SMG1: variants seen among roughly 807,000 people sequenced by gnomAD.
The protein encoded by SMG1 is SMG1 nonsense mediated mRNA decay associated PI3K related kinase.
SMG1 carries 22 observed loss-of-function variants against 419.9 expected under a neutral mutation model. The observed-to-expected ratio is 0.05, with a 90% CI of 0.04 to 0.07. The LOEUF is 0.07. SMG1 is among the 10% of genes least tolerant of loss of function. The pLI is 1.00. For synonymous variants in SMG1, 1,538 were observed against 1,553.5 expected, an observed-to-expected ratio of 0.99 and a Z score of 0.23; for missense variants, 3,185 against 4,342.0, an observed-to-expected ratio of 0.73 and a Z score of 7.49.
intron 22 of SMG1, among the ~76,000 whole-genome samples, chr16:18,867,778 G>A (rs1170930829): frequency 2.9e-5 from 4 of 136,894 alleles, no homozygotes; most frequent in Middle Eastern, 4.1e-3. Context: ...GTGCGATCTC[G>A]GTTCACTGCA....
chr16:18,837,508 G>A, intron 45 of SMG1, 65 bp from the exon 46 acceptor site: 1 of 1,386,218 alleles, frequency 7.2e-7, no homozygotes, highest in Non-Finnish European at 9.9e-7. Flanking sequence ...AACAGTGTCA[G>A]AAGAACATTT....
chr16:18,887,334 A>C (rs577843071), intron 6 of SMG1, among the ~76,000 whole-genome samples: 11 of 151,832 alleles, frequency 7.2e-5, no homozygotes, highest in African/African-American at 2.4e-4. Context: ...AAACCTCTAT[A>C]ATCAAGGGGA....
At position 18,834,459 on chromosome 16, in the gene SMG1, T is replaced by A. The variant is rs138953147; in HGVS notation, c.8331-21A>T. ...TACGCCTACAAGAGATAAATATCTG[T>A]ACAGTGAAACTTAAATGTATAAACA... is the stretch of plus-strand genomic sequence containing the variant. On this transcript the variant is annotated intron_variant, in intron 49 of 62. Coordinates refer to ENST00000446231, the MANE Select transcript of SMG1 (RefSeq NM_015092.5). 1.6e-5 allele frequency: 26 copies of A among 1,599,710 alleles called. No individual in the cohort carries two copies. The East Asian group carries it at 5.6e-4, about 34-fold the overall frequency.
chr16:18,915,176 T>C (rs1303351767), intron 1 of SMG1, among the ~76,000 whole-genome samples: 3 of 152,110 alleles, frequency 2.0e-5, no homozygotes, highest in Non-Finnish European at 4.4e-5. Flanking sequence ...GGTTTCACCA[T>C]GTTGGCCAGG....
At position 18,882,098 on chromosome 16, in the gene SMG1, G is replaced by C. The variant is rs1269564009; in HGVS notation, c.1293+67C>G. 5 of 1,112,934 alleles carry C rather than the reference G, an allele frequency of 4.5e-6. No individual in the cohort carries two copies. In the East Asian group the frequency reaches 1.1e-4, roughly 24 times the overall value. 68.9% of individuals were successfully genotyped at this position (1,112,934 alleles called of 1,614,324 possible). A position where few individuals can be genotyped will look rare whatever the true frequency, so the allele number is the denominator to read the frequency against. On this transcript the variant is annotated intron_variant, in intron 10 of 62. Transcript: ENST00000446231. ...GATTAATAACAGTTCACCAGGTAAAGAGAAGCATTTACAGTGTAAAACAAT... is the reference window on the plus strand; with the variant it reads ...GATTAATAACAGTTCACCAGGTAAACAGAAGCATTTACAGTGTAAAACAAT...
In SMG1 at chr16:18,834,411, C is replaced by A. The variant is rs371413635; in HGVS notation, c.8358G>T (p.Ala2786=). 5.0e-6 allele frequency: 8 copies of A among 1,613,552 alleles called. No homozygotes were observed. In the African/African-American group the frequency reaches 9.3e-5, roughly 19 times the overall value. ...CAACCAGCTGTTCTCCAGCACTTGA[C>A]GCTGCACCTTCCATCATCAGGTTAC... ...TRRNLMMEGA[A]SSAGEQLVDL... is the part of the protein sequence containing the mutation. Residue 2786 remains alanine, a synonymous_variant, in exon 50 of 63, where the codon GCG becomes GCT. Coordinates refer to ENST00000446231, the MANE Select transcript of SMG1 (RefSeq NM_015092.5).
In SMG1 at chr16:18,854,695, C is replaced by G. The variant is rs749957363; in HGVS notation, c.4444G>C (p.Glu1482Gln). The G allele has an allele frequency of 6.2e-7, 1 of 1,613,796 alleles. No homozygotes were observed. The change falls in exon 30 of 63, where the codon GAA becomes CAA. Residue 1482 changes from glutamate (E) to glutamine (Q), a missense_variant. By Grantham distance (29) the Glu-to-Gln change is conservative. Transcript: ENST00000446231. ...QGQVDEKWGPELDIEKTKLLY... is the reference protein window; with the variant it reads ...QGQVDEKWGPQLDIEKTKLLY... The stretch of plus-strand genomic sequence containing the variant: ...AATTTGGTTTTTTCAATATCAAGTT[C>G]GGGCCCCCATTTTTCATCCACTTGA...
intron 54 of SMG1, 45 bp downstream of exon 54, chr16:18,829,237 TCAAG>T: frequency 6.9e-7 from 1 of 1,459,810 alleles, no homozygotes; most frequent in Admixed American, 2.4e-5. Flanking sequence ...CCCCCATTTT[TCAAG>T]TTTCCTACCT....
At chr16:18,811,668 G>T in intron 62 of SMG1, 93 bp downstream of exon 62, 1 of 1,085,110 alleles carries the variant, frequency 9.2e-7, no homozygotes, top group Non-Finnish European at 1.4e-6. Context: ...GTTCCTTGAT[G>T]AACTATTAAG....
chr16:18,912,187 AT>A (rs11455324), intron 1 of SMG1, among the ~76,000 whole-genome samples: 3,142 of 143,264 alleles, frequency 0.022, 100 homozygotes, highest in African/African-American at 0.069. Flanking sequence ...CAGCGGGTGG[AT>A]TTTTTTTTTT....
intron 55 of SMG1, among the ~76,000 whole-genome samples, 178 bp from the exon 56 acceptor site, chr16:18,819,832 T>C (rs536053527): frequency 6.6e-6 from 1 of 152,378 alleles, no homozygotes; most frequent in South Asian, 2.1e-4. Flanking sequence ...TTTGAACATT[T>C]AAGGCCAAAC....
chr16:18,910,809 C>T (rs2037763534), intron 1 of SMG1, among the ~76,000 whole-genome samples: 1 of 152,184 alleles, frequency 6.6e-6, no homozygotes, highest in South Asian at 2.1e-4. Flanking sequence ...TTTCTGGCAT[C>T]CTCCCTCCTC....
chr16:18,852,737 C>T (rs150090638), intron 31 of SMG1, among the ~76,000 whole-genome samples: 1 of 152,196 alleles, frequency 6.6e-6, no homozygotes, highest in African/African-American at 2.4e-5. Context: ...ACATTGTAAA[C>T]AGTCAGGTGT....
chr16:18,864,061 G>C lies in SMG1; in HGVS notation c.3434C>G (p.Ser1145Trp), dbSNP rs561393944. ...VDCCISSFDK[S>W]VLTLANAGRN... ...CCCAGCATTGGCTAAGGTGAGCACC[G>C]ATTTGTCAAAGCTGGAGATGCAGCA... The change falls in exon 24 of 63, where the codon TCG becomes TGG. Residue 1145 changes from serine (S) to tryptophan (W), a missense_variant. Coordinates refer to ENST00000446231, the MANE Select transcript of SMG1 (RefSeq NM_015092.5). 8 of 1,549,758 alleles carry C rather than the reference G, an allele frequency of 5.2e-6. No homozygotes were observed. Among genetic ancestry groups the C allele is most frequent in the Middle Eastern group, 4.6e-4 (2 of 4,384 alleles).
At chr16:18,894,244 T>A (rs1031782670) in intron 3 of SMG1, among the ~76,000 whole-genome samples, 5 of 151,898 alleles carry the variant, frequency 3.3e-5, no homozygotes, top group Admixed American at 6.6e-5. Flanking sequence ...AGTTTACCAA[T>A]GTAACAAATC....
chr16:18,878,606 C>CAAAA (rs35169039), intron 11 of SMG1: 1 of 98,608 alleles, frequency 1.0e-5, no homozygotes, highest in African/African-American at 3.7e-5. Context: ...GATCCTGTGA[C>CAAAA]AAAAAAAAAA....
chr16:18,829,958 C>G lies in SMG1; in HGVS notation c.9101G>C (p.Arg3034Thr), dbSNP rs773218759. The G allele has an allele frequency of 2.8e-5, 44 of 1,572,948 alleles. No homozygotes were observed. Among genetic ancestry groups the G allele is most frequent in the Non-Finnish European group, 3.6e-5 (42 of 1,162,526 alleles). ...TGTTTTAGAAAAGGTACCACAGAGC[C>G]TGAAGAACTCCTTAATAGTCTGTAG... ...KRLQTIKEFF[R>T]LCGTFSKTLS... Residue 3034 changes from arginine (R) to threonine (T), a missense_variant, in exon 53 of 63, where the codon AGG becomes ACG. Physicochemically the swap from Arg to Thr is moderately conservative, Grantham distance 71. This residue lies in a region of SMG1 where 737 missense variants were observed against 846.6 expected (regional missense o/e 0.87). Transcript: ENST00000446231.
intron 41 of SMG1, among the ~76,000 whole-genome samples, chr16:18,840,303 CAACTT>C (rs1308887806): frequency 2.6e-5 from 4 of 152,194 alleles, no homozygotes; most frequent in Non-Finnish European, 5.9e-5. Flanking sequence ...TCTTCACACA[CAACTT>C]AATCGTTAAT....
chr16:18,879,797 T>C, intron 10 of SMG1, 78 bp from the exon 11 acceptor site: 2 of 818,106 alleles, frequency 2.4e-6, no homozygotes, highest in South Asian at 3.0e-5. Flanking sequence ...TTTTATTTAA[T>C]GCAATTTCAA....
Sources: allele counts gnomAD v4.1 joint callset (sites outside exome capture counted in the v4.1 genomes callset), GRCh38; gene constraint gnomAD v4.1.1; regional missense constraint gnomAD v4.1.1; transcripts MANE v1.5; gene names NCBI Gene and HGNC (gene_info 2026-07-23, HGNC 2026-07-21).